Variants in ASF1A observed in about 807,000 individuals in gnomAD.
ASF1A encodes anti-silencing function 1A histone chaperone.
ASF1A carries 5 observed loss-of-function variants against 22.0 expected under a neutral mutation model. That is an observed-to-expected ratio of 0.23 (90% CI 0.12 to 0.48). ASF1A has a LOEUF of 0.48. Ranked by LOEUF, ASF1A falls within the 20% of genes least tolerant of loss-of-function variation. ASF1A has a pLI of 0.99. For missense variants in ASF1A, 137 were observed against 240.6 expected (o/e 0.57, Z 2.85); for synonymous variants, 97 against 86.7 (o/e 1.12, Z -0.66).
intron 2 of ASF1A, among the ~76,000 whole-genome samples, chr6:118,902,890 G>A (rs977715137): frequency 4.6e-5 from 7 of 152,156 alleles, no homozygotes; most frequent in African/African-American, 1.7e-4. Flanking sequence ...TCTCTAAATA[G>A]TTAAACATGT....
At chr6:118,900,282 CTG>C (rs1233383118) in intron 1 of ASF1A, among the ~76,000 whole-genome samples, 3 of 152,174 alleles carry the variant, frequency 2.0e-5, no homozygotes, top group Admixed American at 2.0e-4. Flanking sequence ...CTTTGGAGCT[CTG>C]TGATTATTTG....
intron 1 of ASF1A, among the ~76,000 whole-genome samples, chr6:118,897,076 C>G (rs1461959438): frequency 1.3e-5 from 2 of 152,136 alleles, no homozygotes; most frequent in Non-Finnish European, 2.9e-5. Context: ...TGGGCTCAAG[C>G]AGTCCTCCCA....
In ASF1A at chr6:118,900,721, T is replaced by C. The variant is rs762027509; in HGVS notation, c.110-45T>C. 6.8e-6 allele frequency: 9 copies of C among 1,328,046 alleles called. No individual in the cohort carries two copies. In the South Asian group the frequency reaches 1.1e-4, roughly 16 times the overall value. The allele number at this position is 1,328,046 out of a possible 1,614,324, so 82.3% of individuals were successfully genotyped here. On this transcript the variant is annotated intron_variant, in intron 1 of 3. Transcript: ENST00000229595. ...AAGGGTCTTTGATGTCATCTGGTAA[T>C]GTAATTACTGAATATGAAATAATGC... is the stretch of plus-strand genomic sequence containing the variant.
rs765606134 is a variant in ASF1A at position 118,907,608 on chromosome 6, C to T, written c.609C>T (p.Cys203=). 4.3e-6 allele frequency: 7 copies of T among 1,612,016 alleles called. No homozygotes were observed. The highest frequency in any genetic ancestry group is 1.7e-5 in the Admixed American group (1 of 59,988). Residue 203 remains cysteine, a synonymous_variant, in exon 4 of 4, where the codon TGC becomes TGT. Transcript: ENST00000229595. ...TCATGTTAGAATCCCACATGGACTG[C>T]ATGTGACCACCTACCATCCCTTTAG... The part of the protein sequence containing the change: ...LNVMLESHMD[C]M
At chr6:118,902,471 T>G (rs1306425690) in intron 2 of ASF1A, among the ~76,000 whole-genome samples, 1 of 152,126 alleles carries the variant, frequency 6.6e-6, no homozygotes, top group African/African-American at 2.4e-5. Context: ...GAACCCATAC[T>G]TTACTGATAA....
chr6:118,903,359 T>G lies in ASF1A; in HGVS notation c.226-2293T>G, dbSNP rs1291328401. Among the ~76,000 whole-genome samples the G allele has an allele frequency of 2.0e-5, 3 of 152,250 alleles. No individual in the cohort carries two copies. In the East Asian group the frequency reaches 5.8e-4, roughly 29 times the overall value. ...CTGGCTGTCCCCTATCCTGGTGTCT[T>G]GCCAAGAGATCATAAACCCCTTCAG... is the stretch of plus-strand genomic sequence containing the variant. On this transcript the variant is annotated intron_variant, in intron 2 of 3. Coordinates refer to ENST00000229595, the MANE Select transcript of ASF1A (RefSeq NM_014034.3).
At chr6:118,897,534 AG>A in intron 1 of ASF1A, among the ~76,000 whole-genome samples, 1 of 152,244 alleles carries the variant, frequency 6.6e-6, no homozygotes, top group Middle Eastern at 3.4e-3. Context: ...TTCCAACTTC[AG>A]CTTGTTCTAA....
At position 118,894,168 on chromosome 6, in the gene ASF1A, C is replaced by T; in HGVS notation, c.-246C>T. 7.1e-6 allele frequency: 9 copies of T among 1,271,030 alleles called. No individual in the cohort carries two copies. The highest frequency in any genetic ancestry group is 9.0e-6 in the Non-Finnish European group (9 of 1,004,328). 78.7% of individuals were successfully genotyped at this position (1,271,030 alleles called of 1,614,324 possible). On this transcript the variant is annotated 5_prime_UTR_variant, in exon 1 of 4. Transcript: ENST00000229595. ...AGGAGGGTCAGAACTCGGGTGCAGC[C>T]AATCGAGGGCAACGCTGCTACTTAT...
Position 118,900,751 on chromosome 6 carries a change from G to A in ASF1A, c.110-15G>A. 1 of 1,560,360 alleles carries A rather than the reference G, an allele frequency of 6.4e-7. No homozygotes were observed. The highest frequency in any genetic ancestry group is 8.8e-7 in the Non-Finnish European group (1 of 1,131,054). The stretch of plus-strand genomic sequence containing the variant: ...TTACTGAATATGAAATAATGCTTTG[G>A]TTTTTTAACCCTAGACTTGGAATGG... On this transcript the variant is annotated splice_polypyrimidine_tract_variant and intron_variant, in intron 1 of 3. Coordinates refer to ENST00000229595, the MANE Select transcript of ASF1A (RefSeq NM_014034.3).
rs1779192984 is a variant in ASF1A, at chr6:118,894,341, C to G, written c.-73C>G. 6.5e-7 allele frequency: 1 copy of G among 1,531,040 alleles called. No homozygotes were observed. The highest frequency in any genetic ancestry group is 1.2e-5 in the South Asian group (1 of 83,612). The allele number at this position is 1,531,040 out of a possible 1,614,324, so 94.8% of individuals were successfully genotyped here. Reference sequence around the variant, plus strand: ...GCTGGAGCGGGGGTCTGCGCTCTCCCGAGCGGCCGCGCGCTGGACTTTATT... The same window carrying G: ...GCTGGAGCGGGGGTCTGCGCTCTCCGGAGCGGCCGCGCGCTGGACTTTATT... On this transcript the variant is annotated 5_prime_UTR_variant, in exon 1 of 4. Transcript: ENST00000229595.
At chr6:118,907,077 A>G (rs1460368129) in intron 3 of ASF1A, among the ~76,000 whole-genome samples, 1 of 152,224 alleles carries the variant, frequency 6.6e-6, no homozygotes, top group Non-Finnish European at 1.5e-5. Context: ...TAAATAAAGC[A>G]TCTTCTGAAG....
At chr6:118,896,836 AT>A (rs11304871) in intron 1 of ASF1A, among the ~76,000 whole-genome samples, 87,776 of 149,518 alleles carry the variant, frequency 0.59, 26,090 homozygotes, top group Admixed American at 0.67. Context: ...AAACTATAGA[AT>A]TTTTTTTTTT....
Position 118,905,971 on chromosome 6 carries a change from ATTG to A in ASF1A, c.402+146_402+148del, listed in dbSNP as rs1299235563. The A allele has an allele frequency of 6.9e-6, 4 of 579,204 alleles. No homozygotes were observed. The East Asian group carries it at 9.1e-5, about 13-fold the overall frequency. The allele number at this position is 579,204 out of a possible 1,614,324, so 35.9% of individuals were successfully genotyped here. A position where few individuals can be genotyped will look rare whatever the true frequency, so the allele number is the denominator to read the frequency against. ...CTTATGCCAACTGGGCAAACTAATT[ATTG>A]TTCCATTACCATGGATGACTTCAAA... On this transcript the variant is annotated intron_variant, in intron 3 of 3. Transcript: ENST00000229595.
intron 1 of ASF1A, among the ~76,000 whole-genome samples, chr6:118,894,962 C>T (rs1199505019): frequency 2.0e-5 from 3 of 152,240 alleles, no homozygotes; most frequent in Non-Finnish European, 4.4e-5. Flanking sequence ...CATCTTACCC[C>T]GAGTCGAGAA....
intron 2 of ASF1A, among the ~76,000 whole-genome samples, chr6:118,901,320 G>A (rs1045904968): frequency 6.6e-6 from 1 of 152,194 alleles, no homozygotes; most frequent in African/African-American, 2.4e-5. Context: ...TGATGGTGAT[G>A]TAACAAAAAC....
chr6:118,895,227 G>C (rs1233500071), intron 1 of ASF1A, among the ~76,000 whole-genome samples: 1 of 151,924 alleles, frequency 6.6e-6, no homozygotes, highest in Non-Finnish European at 1.5e-5. Flanking sequence ...CGCTCCCCGG[G>C]GGCCGTGGGT....
In ASF1A at chr6:118,894,196, G is replaced by A. The variant is rs1475251354; in HGVS notation, c.-218G>A. On this transcript the variant is annotated 5_prime_UTR_variant, in exon 1 of 4. Coordinates refer to ENST00000229595, the MANE Select transcript of ASF1A (RefSeq NM_014034.3). ...TCGAGGGCAACGCTGCTACTTATCA[G>A]AGCAGAATGGGCTGTAGTTTAGTGA... 7.3e-7 allele frequency: 1 copy of A among 1,369,566 alleles called. No homozygotes were observed. The highest frequency in any genetic ancestry group is 9.4e-7 in the Non-Finnish European group (1 of 1,062,342). 84.8% of individuals were successfully genotyped at this position (1,369,566 alleles called of 1,614,324 possible).
At chr6:118,895,139 G>A (rs1437937295) in intron 1 of ASF1A, among the ~76,000 whole-genome samples, 2 of 152,074 alleles carry the variant, frequency 1.3e-5, no homozygotes, top group Non-Finnish European at 2.9e-5. Flanking sequence ...TCCTCGCGCT[G>A]ATTTCTGGCT....
intron 1 of ASF1A, among the ~76,000 whole-genome samples, chr6:118,897,858 A>G (rs1779538180): frequency 6.6e-6 from 1 of 152,242 alleles, no homozygotes; most frequent in South Asian, 2.1e-4. Flanking sequence ...ACTGATGCCA[A>G]TGTATAAAAG....
Sources: gnomAD v4.1 joint callset for allele counts (sites outside exome capture counted in the v4.1 genomes callset) on GRCh38, gnomAD v4.1.1 for gene constraint, MANE v1.5 for transcripts, NCBI Gene and HGNC (gene_info 2026-07-23, HGNC 2026-07-21) for gene names.